DICER1: variants seen among roughly 807,000 people sequenced by gnomAD.
DICER1 encodes the protein dicer 1, ribonuclease III.
In DICER1, 43 loss-of-function variants were observed where a neutral mutation model predicts 194.1. The ratio of observed to expected loss-of-function variants is 0.22; its 90% CI spans 0.17 to 0.29. The LOEUF is 0.29. Ranked by LOEUF, DICER1 falls within the 10% of genes least tolerant of loss-of-function variation. DICER1 has a pLI of 1.00. For missense variants in DICER1, 1,608 were observed against 2,317.0 expected (o/e 0.69, Z 6.28); for synonymous variants, 832 against 820.5 (o/e 1.01, Z -0.24).
intron 1 of DICER1, among the ~76,000 whole-genome samples, chr14:95,155,151 T>C (rs542177940): frequency 1.3e-5 from 2 of 152,278 alleles, no homozygotes; most frequent in Admixed American, 1.3e-4. Context: ...ACAAGGACAA[T>C]ATCGAGTTGA....
At position 95,124,795 on chromosome 14, in the gene DICER1, G is replaced by T; in HGVS notation, c.904-127C>A. On this transcript the variant is annotated intron_variant, in intron 7 of 26. Transcript: ENST00000343455. This position sits in a 1 kb window ranked among gnomAD's most constrained non-coding sequence, Gnocchi z 4.5. The stretch of plus-strand genomic sequence containing the variant: ...TAAATGTAACCCAGCCTTAGGTTAA[G>T]TCCCTGAAGGTGGGGGGAGAGGCCA... 2 of 772,874 alleles carry T rather than the reference G, an allele frequency of 2.6e-6. No individual in the cohort carries two copies. The highest frequency in any genetic ancestry group is 2.1e-6 in the Non-Finnish European group (1 of 470,178). The allele number at this position is 772,874 out of a possible 1,614,324, so 47.9% of individuals were successfully genotyped here.
chr14:95,112,361 C>T (rs1378257409), intron 12 of DICER1, 114 bp from the exon 13 acceptor site: 1 of 851,912 alleles, frequency 1.2e-6, no homozygotes, highest in African/African-American at 1.7e-5. Flanking sequence ...TTTACCAAAA[C>T]AAAATTCTTT....
intron 17 of DICER1, among the ~76,000 whole-genome samples, chr14:95,106,659 G>T (rs554546532): frequency 5.3e-5 from 8 of 151,556 alleles, no homozygotes; most frequent in African/African-American, 1.7e-4. Flanking sequence ...TTAAAATATG[G>T]TTTTGAGGTG....
chr14:95,097,250 A>G (rs2139862928), intron 22 of DICER1, among the ~76,000 whole-genome samples: 1 of 152,332 alleles, frequency 6.6e-6, no homozygotes, highest in Non-Finnish European at 1.5e-5. Flanking sequence ...GTACAATAGG[A>G]TTTTATAATA....
intron 6 of DICER1, 27 bp downstream of exon 6, chr14:95,129,445 A>G (rs1893755711): frequency 1.9e-6 from 3 of 1,609,194 alleles, no homozygotes; most frequent in Non-Finnish European, 2.6e-6. Context: ...TAATCTCATT[A>G]AAGCTGAGTC....
Position 95,095,764 on chromosome 14 carries a change from C to A in DICER1, c.5095+61G>T, listed in dbSNP as rs544003072. 37 of 1,571,632 alleles carry A rather than the reference C, an allele frequency of 2.4e-5. No homozygotes were observed. The Middle Eastern group carries it at 5.0e-4, about 21-fold the overall frequency. ...ATAGATCACTTTTACAAGGCCAACA[C>A]GATGAGATCAACACAAAGTCTCATT... On this transcript the variant is annotated intron_variant, in intron 23 of 26. Coordinates refer to ENST00000343455, the MANE Select transcript of DICER1 (RefSeq NM_177438.3).
At position 95,105,635 on chromosome 14, in the gene DICER1, C is replaced by G. The variant is rs757785182; in HGVS notation, c.3093+43G>C. On this transcript the variant is annotated intron_variant, in intron 19 of 26. Transcript: ENST00000343455. This position sits in a 1 kb window ranked among gnomAD's most constrained non-coding sequence, Gnocchi z 4.9. ...AACTTATCTTTAATAATCTTTAATA[C>G]TCAAACAAATACTAAGTTATGCTAG... The G allele has an allele frequency of 5.1e-6, 7 of 1,362,730 alleles. No individual in the cohort carries two copies. The highest frequency in any genetic ancestry group is 6.3e-6 in the Non-Finnish European group (6 of 952,634). The allele number at this position is 1,362,730 out of a possible 1,614,324, so 84.4% of individuals were successfully genotyped here.
chr14:95,114,140 G>A (rs1408361521), intron 11 of DICER1, among the ~76,000 whole-genome samples: 3 of 152,224 alleles, frequency 2.0e-5, no homozygotes, highest in Non-Finnish European at 4.4e-5. Flanking sequence ...CACACCGGTA[G>A]CAATGAATAA....
intron 10 of DICER1, among the ~76,000 whole-genome samples, chr14:95,116,202 AT>A (rs1458053581): frequency 6.6e-6 from 1 of 152,202 alleles, no homozygotes; most frequent in African/African-American, 2.4e-5. Context: ...CCAGACGTTC[AT>A]CCCAAATAAC....
rs7157322 is a variant in DICER1, at chr14:95,116,207, A to C, written c.1752+246T>G. Among the ~76,000 whole-genome samples the C allele has an allele frequency of 0.43, 65,076 of 152,068 alleles. 16,004 individuals are homozygous for C. Among genetic ancestry groups the C allele is most frequent in the African/African-American group, 0.69 (28,589 of 41,464 alleles). ...ATGCAATTTCCCAGACGTTCATCCC[A>C]AATAACATATGTGATGATCATTTTC... On this transcript the variant is annotated intron_variant, in intron 10 of 26. Coordinates refer to ENST00000343455, the MANE Select transcript of DICER1 (RefSeq NM_177438.3).
intron 23 of DICER1, 46 bp downstream of exon 23, chr14:95,095,779 A>C (rs749278457): frequency 1.2e-6 from 2 of 1,603,234 alleles, no homozygotes; most frequent in Non-Finnish European, 8.5e-7. Flanking sequence ...AGATCAACAC[A>C]AAGTCTCATT....
chr14:95,094,504 G>A (rs1053371699), intron 23 of DICER1, among the ~76,000 whole-genome samples: 3 of 152,058 alleles, frequency 2.0e-5, no homozygotes, highest in Non-Finnish European at 2.9e-5. Context: ...CCTTCCTCTC[G>A]AGTCTCCCTC....
At chr14:95,142,548 C>A (rs951576735) in intron 1 of DICER1, among the ~76,000 whole-genome samples, 4 of 152,110 alleles carry the variant, frequency 2.6e-5, no homozygotes, top group African/African-American at 9.7e-5. Context: ...TCAATGTCAC[C>A]CAACTATTAC....
chr14:95,147,597 TGG>T (rs1001227562), intron 1 of DICER1, among the ~76,000 whole-genome samples: 2 of 152,220 alleles, frequency 1.3e-5, no homozygotes, highest in Non-Finnish European at 2.9e-5. Context: ...ACCAAATGTG[TGG>T]GGTTTCTCCC....
At chr14:95,126,848 CT>C in intron 6 of DICER1, 100 bp from the exon 7 acceptor site, 1 of 469,532 alleles carries the variant, frequency 2.1e-6, no homozygotes, top group Non-Finnish European at 3.5e-6. Flanking sequence ...GGAATAGATA[CT>C]AAAAAAAAAA....
chr14:95,153,668 C>T (rs1250792040), intron 1 of DICER1, among the ~76,000 whole-genome samples: 2 of 152,200 alleles, frequency 1.3e-5, no homozygotes, highest in African/African-American at 4.8e-5. Flanking sequence ...TCATCTAATT[C>T]TCTGCCTCCA....
intron 1 of DICER1, among the ~76,000 whole-genome samples, chr14:95,147,250 A>G (rs111615529): frequency 0.033 from 5,052 of 152,258 alleles, 308 homozygotes; most frequent in African/African-American, 0.12. Flanking sequence ...AGATCACGTG[A>G]GCCCAGGAAT....
Position 95,116,706 on chromosome 14 carries a change from A to C in DICER1, c.1510-11T>G. On this transcript the variant is annotated splice_polypyrimidine_tract_variant and intron_variant, in intron 9 of 26. Transcript: ENST00000343455. ...AAATTTCCTAAGTACCTGAAAAAAA[A>C]AATCCACCAAGAAAAGCACTTCTAA... 1 of 1,613,600 alleles carries C rather than the reference A, an allele frequency of 6.2e-7. No homozygotes were observed. The highest frequency in any genetic ancestry group is 1.7e-5 in the Admixed American group (1 of 59,964).
intron 1 of DICER1, among the ~76,000 whole-genome samples, chr14:95,142,945 G>T (rs184811816): frequency 6.6e-6 from 1 of 152,244 alleles, no homozygotes; most frequent in East Asian, 1.9e-4. Flanking sequence ...TTTCAAAATT[G>T]GTGACAAAAT....
Sources: allele counts gnomAD v4.1 joint callset (sites outside exome capture counted in the v4.1 genomes callset), GRCh38; gene constraint gnomAD v4.1.1; non-coding constraint Gnocchi (gnomAD v3.1); transcripts MANE v1.5; gene names NCBI Gene and HGNC (gene_info 2026-07-23, HGNC 2026-07-21).